The following MAGI2 variants were observed in gnomAD, a reference collection of about 807,000 sequenced individuals.
The protein encoded by MAGI2 is membrane-associated guanylate kinase, WW and PDZ domain-containing protein 2.
Under a neutral mutation model 133.3 loss-of-function variants are expected in MAGI2, and 35 were observed. That is an observed-to-expected ratio of 0.26 (90% CI 0.20 to 0.35). The LOEUF (loss-of-function observed/expected upper bound fraction) is 0.35, where lower values mean the gene tolerates loss of function less well. Ranked by LOEUF, MAGI2 falls within the 10% of genes least tolerant of loss-of-function variation. The pLI is 1.00. For synonymous variants in MAGI2, 729 were observed against 710.6 expected, an observed-to-expected ratio of 1.03 and a Z score of -0.41; for missense variants, 1,636 against 1,863.4, an observed-to-expected ratio of 0.88 and a Z score of 2.25.
chr7:79,074,092 G>C (rs1815238561), intron 1 of MAGI2, among the ~76,000 whole-genome samples: 2 of 151,648 alleles, frequency 1.3e-5, no homozygotes, highest in African/African-American at 2.4e-5. Flanking sequence ...ACAAGTTTCA[G>C]AAAAAAAGGG....
At chr7:78,410,387 A>G (rs954718282) in intron 6 of MAGI2, among the ~76,000 whole-genome samples, 4 of 152,038 alleles carry the variant, frequency 2.6e-5, no homozygotes, top group Admixed American at 2.6e-4. Context: ...CACAGCTTAC[A>G]TTTGTCAACA....
chr7:79,316,665 A>C (rs1176840694), intron 1 of MAGI2, among the ~76,000 whole-genome samples: 1 of 152,120 alleles, frequency 6.6e-6, no homozygotes, highest in African/African-American at 2.4e-5. Flanking sequence ...TCCTCTTCTA[A>C]TTTTGAGACT....
At chr7:78,063,716 A>G (rs1813522394) in intron 21 of MAGI2, among the ~76,000 whole-genome samples, 1 of 152,000 alleles carries the variant, frequency 6.6e-6, no homozygotes, top group Non-Finnish European at 1.5e-5. Context: ...GCCCAGCTAA[A>G]ATTTTACCAC....
intron 2 of MAGI2, among the ~76,000 whole-genome samples, chr7:78,943,270 T>TA (rs553851794): frequency 2.9e-4 from 44 of 152,206 alleles, no homozygotes; most frequent in South Asian, 2.3e-3. Context: ...CCCGATTTTT[T>TA]AAAAAAATTG....
At chr7:78,516,479 A>G (rs1176223970) in intron 4 of MAGI2, among the ~76,000 whole-genome samples, 1 of 152,092 alleles carries the variant, frequency 6.6e-6, no homozygotes, top group Non-Finnish European at 1.5e-5. Flanking sequence ...AAGCCTGCCA[A>G]GGAGCTGGGA....
chr7:79,272,162 C>A (rs1834926037), intron 1 of MAGI2, among the ~76,000 whole-genome samples: 1 of 151,888 alleles, frequency 6.6e-6, no homozygotes, highest in Non-Finnish European at 1.5e-5. Flanking sequence ...ATTTCAACAC[C>A]AAGAAATAAC....
chr7:78,288,352 T>G (rs529016695), intron 9 of MAGI2, among the ~76,000 whole-genome samples: 2 of 152,356 alleles, frequency 1.3e-5, no homozygotes, highest in South Asian at 2.1e-4. Flanking sequence ...TAAAACTCAA[T>G]GTAAACAATA....
chr7:79,052,962 C>G, intron 1 of MAGI2, among the ~76,000 whole-genome samples: 1 of 152,056 alleles, frequency 6.6e-6, no homozygotes, highest in Non-Finnish European at 1.5e-5. Context: ...GACAAGGCCT[C>G]AAATCCTCTT....
intron 6 of MAGI2, among the ~76,000 whole-genome samples, chr7:78,392,951 G>A (rs542285762): frequency 2.6e-5 from 4 of 152,206 alleles, no homozygotes; most frequent in South Asian, 2.1e-4. Context: ...GTGAGCCACC[G>A]CGCCTGGCCT....
At chr7:79,169,839 G>A (rs961867822) in intron 1 of MAGI2, among the ~76,000 whole-genome samples, 1 of 151,958 alleles carries the variant, frequency 6.6e-6, no homozygotes, top group Admixed American at 6.6e-5. Context: ...ATTTGCAGGA[G>A]GGGTGATTAG....
In MAGI2 at chr7:78,256,460, G is replaced by A. The variant is rs201057526; in HGVS notation, c.1530C>T (p.Tyr510=). The A allele has an allele frequency of 4.1e-5, 66 of 1,613,818 alleles. No homozygotes were observed. In the East Asian group the frequency reaches 1.3e-3, roughly 31 times the overall value. The change falls in exon 10 of 22, where the codon TAC becomes TAT. Residue 510 remains tyrosine (Y), a synonymous_variant. Coordinates refer to ENST00000354212, the MANE Select transcript of MAGI2 (RefSeq NM_012301.4). The stretch of plus-strand genomic sequence containing the variant: ...GGTCTTCAGGATCAAAGGGCAAAGG[G>A]TAGCCACGACACAACACCAGGTTGA... ...QSVNLVLCRG[Y]PLPFDPEDPA... is the part of the protein sequence containing the mutation.
chr7:78,597,871 TC>T (rs756390261), intron 3 of MAGI2, among the ~76,000 whole-genome samples: 1,826 of 46,088 alleles, frequency 0.04, 31 homozygotes, highest in African/African-American at 0.25. Context: ...TTTTTTTTTT[TC>T]CCCATAGAGT....
intron 9 of MAGI2, among the ~76,000 whole-genome samples, chr7:78,285,026 C>T (rs798336): frequency 0.89 from 136,131 of 152,192 alleles, 60,944 homozygotes; most frequent in South Asian, 0.96. Flanking sequence ...CAACTGGCCA[C>T]GGACACTCTG....
intron 1 of MAGI2, among the ~76,000 whole-genome samples, chr7:79,126,021 T>C (rs912952568): frequency 6.6e-6 from 1 of 152,230 alleles, no homozygotes; most frequent in Non-Finnish European, 1.5e-5. Context: ...GTATAACAGG[T>C]TATTTTAGTT....
At chr7:78,714,526 C>G (rs917351483) in intron 2 of MAGI2, among the ~76,000 whole-genome samples, 9 of 152,146 alleles carry the variant, frequency 5.9e-5, no homozygotes, top group Admixed American at 2.6e-4. Flanking sequence ...TAGGCAACAA[C>G]GAGGCATTGG....
rs539269430 is a variant in MAGI2 at position 78,445,350 on chromosome 7, T to C, written c.1045+44411A>G. Among the ~76,000 whole-genome samples the C allele has an allele frequency of 5.3e-5, 8 of 152,220 alleles. No individual in the cohort carries two copies. In the East Asian group the frequency reaches 1.3e-3, roughly 26 times the overall value. ...GTTGAAATCAACGAACGATTATAAC[T>C]ATGGATTTTCTATCCTGAATTCTTT... On this transcript the variant is annotated intron_variant, in intron 6 of 21. Coordinates refer to ENST00000354212, the MANE Select transcript of MAGI2 (RefSeq NM_012301.4).
At chr7:78,877,683 G>A (rs1051822844) in intron 2 of MAGI2, among the ~76,000 whole-genome samples, 1 of 151,916 alleles carries the variant, frequency 6.6e-6, no homozygotes, top group Non-Finnish European at 1.5e-5. Flanking sequence ...TGTCAGAAAT[G>A]GCAATAATAA....
At chr7:78,050,681 C>T (rs900823595) in intron 21 of MAGI2, among the ~76,000 whole-genome samples, 2 of 151,866 alleles carry the variant, frequency 1.3e-5, no homozygotes, top group Non-Finnish European at 2.9e-5. Flanking sequence ...TTCTGAGCTA[C>T]AAGGTGGTGA....
intron 10 of MAGI2, among the ~76,000 whole-genome samples, chr7:78,240,386 A>G (rs770299104): frequency 8.5e-5 from 13 of 152,204 alleles, no homozygotes; most frequent in African/African-American, 2.4e-4. Flanking sequence ...AGCACTACTC[A>G]TAATAGCCAA....
Sources: allele counts gnomAD v4.1 joint callset (sites outside exome capture counted in the v4.1 genomes callset), GRCh38; gene constraint gnomAD v4.1.1; transcripts MANE v1.5; gene names NCBI Gene and HGNC (gene_info 2026-07-23, HGNC 2026-07-21).